The following SRCIN1 variants were observed in gnomAD, a reference collection of about 807,000 sequenced individuals.
The protein encoded by SRCIN1 is P130Cas-associated protein.
SRCIN1 carries 50 observed loss-of-function variants against 116.2 expected under a neutral mutation model. That is an observed-to-expected ratio of 0.43 (90% CI 0.34 to 0.54). SRCIN1 has a LOEUF of 0.54. SRCIN1 is among the 20% of genes least tolerant of loss of function. SRCIN1 has a pLI of 0.02. For synonymous variants in SRCIN1, 736 were observed against 750.0 expected (o/e 0.98, Z 0.30); for missense variants, 1,446 against 1,672.0 (o/e 0.86, Z 2.36).
At chr17:38,600,440 G>A (rs778244872) in intron 1 of SRCIN1, among the ~76,000 whole-genome samples, 11 of 152,222 alleles carry the variant, frequency 7.2e-5, no homozygotes, top group Non-Finnish European at 1.5e-4. Context: ...CATCTTCTGT[G>A]TGGTAGCTAA....
chr17:38,580,660 C>T (rs1263450794), intron 1 of SRCIN1, among the ~76,000 whole-genome samples: 2 of 152,324 alleles, frequency 1.3e-5, no homozygotes, highest in East Asian at 1.9e-4. Flanking sequence ...GACAGCACCA[C>T]ATGGCATGTG....
chr17:38,595,470 C>A (rs575697524), intron 1 of SRCIN1, among the ~76,000 whole-genome samples: 1 of 152,348 alleles, frequency 6.6e-6, no homozygotes, highest in African/African-American at 2.4e-5. Flanking sequence ...CCTGCCTCGG[C>A]CTCCCAAAGT....
intron 11 of SRCIN1, among the ~76,000 whole-genome samples, chr17:38,553,983 G>C (rs1027712599): frequency 2.0e-5 from 3 of 152,170 alleles, no homozygotes; most frequent in African/African-American, 7.2e-5. Flanking sequence ...AGGCCGAGGT[G>C]GGCTGATCAC....
In SRCIN1 at chr17:38,578,599, T is replaced by G; in HGVS notation, c.215A>C (p.Gln72Pro). ...AQSLEALSGL[Q>P]KADADRKRDA... ...ACGCTTGCGGTCGGCGTCCGCCTTC[T>G]GGAGCCCGCTGAGCGCCTCCAGACT... Residue 72 changes from glutamine (Q) to proline (P), a missense_variant, in exon 2 of 19, where the codon CAG becomes CCG. By Grantham distance (76) the Gln-to-Pro change is moderately conservative. Coordinates refer to ENST00000617146, the MANE Select transcript of SRCIN1 (RefSeq NM_025248.3). The G allele has an allele frequency of 2.5e-6, 4 of 1,611,132 alleles. No individual in the cohort carries two copies. Among genetic ancestry groups the G allele is most frequent in the Non-Finnish European group, 3.4e-6 (4 of 1,178,826 alleles).
intron 9 of SRCIN1, 94 bp downstream of exon 9, chr17:38,559,960 A>G: frequency 7.3e-7 from 1 of 1,360,924 alleles, no homozygotes; most frequent in African/African-American, 1.4e-5. Context: ...TCTTGGGCTA[A>G]GGCCAGTGAT....
chr17:38,604,464 C>T lies in SRCIN1; in HGVS notation c.22+1220G>A, dbSNP rs1412656218. On this transcript the variant is annotated intron_variant, in intron 1 of 18. Transcript: ENST00000617146. This position sits in a 1 kb window ranked among gnomAD's most constrained non-coding sequence, Gnocchi z 4.3. Reference sequence around the variant, plus strand: ...GAAGATCCCCCTCCTTGCATACTTCCCCGCGCCTGCTCACCTGGCTCCCCT... The same window carrying T: ...GAAGATCCCCCTCCTTGCATACTTCTCCGCGCCTGCTCACCTGGCTCCCCT... 4.4e-6 allele frequency: 2 copies of T among 453,064 alleles called. No individual in the cohort carries two copies. Among genetic ancestry groups the T allele is most frequent in the Non-Finnish European group, 8.9e-6 (2 of 225,448 alleles). The allele number at this position is 453,064 out of a possible 1,614,324, so 28.1% of individuals were successfully genotyped here.
intron 2 of SRCIN1, chr17:38,574,912 G>A (rs1322581046): frequency 2.7e-5 from 11 of 401,016 alleles, no homozygotes; most frequent in Non-Finnish European, 4.4e-5. Context: ...GGGCGGAGTC[G>A]CCATGGAGGT....
chr17:38,568,193 G>C lies in SRCIN1; in HGVS notation c.345+18C>G. The C allele has an allele frequency of 6.2e-7, 1 of 1,613,202 alleles. No individual in the cohort carries two copies. The highest frequency in any genetic ancestry group is 8.5e-7 in the Non-Finnish European group (1 of 1,179,626). On this transcript the variant is annotated intron_variant, in intron 3 of 18. Coordinates refer to ENST00000617146, the MANE Select transcript of SRCIN1 (RefSeq NM_025248.3). The surrounding 1 kb of genome is among the most constrained non-coding windows in gnomAD (Gnocchi z 4.5). ...AGCACATGCAGTTGTCATGGGAGCA[G>C]AGGCATCACACACTGACCTTGAAAC...
intron 2 of SRCIN1, among the ~76,000 whole-genome samples, chr17:38,575,660 A>G (rs967316821): frequency 3.3e-5 from 5 of 151,880 alleles, no homozygotes; most frequent in African/African-American, 1.2e-4. Context: ...CACCTACCTC[A>G]CAGAAATAGG....
chr17:38,557,244 T>A (rs1181438805), intron 11 of SRCIN1, among the ~76,000 whole-genome samples: 1 of 152,240 alleles, frequency 6.6e-6, no homozygotes, highest in Non-Finnish European at 1.5e-5. Context: ...TATGACTTAG[T>A]GAGGAAGCTG....
intron 18 of SRCIN1, among the ~76,000 whole-genome samples, chr17:38,536,623 G>A (rs993070973): frequency 6.6e-6 from 1 of 152,198 alleles, no homozygotes; most frequent in Non-Finnish European, 1.5e-5. Context: ...AGACCCCGCT[G>A]ACTCCACCTC....
intron 1 of SRCIN1, among the ~76,000 whole-genome samples, chr17:38,584,118 G>A (rs2034128988): frequency 6.6e-6 from 1 of 152,200 alleles, no homozygotes; most frequent in African/African-American, 2.4e-5. Context: ...GGGGTCTTAA[G>A]CATGGCTGGG....
At chr17:38,586,028 G>A (rs1908095639) in intron 1 of SRCIN1, among the ~76,000 whole-genome samples, 1 of 152,198 alleles carries the variant, frequency 6.6e-6, no homozygotes, top group South Asian at 2.1e-4. Context: ...TGGACTAGGA[G>A]GGAAGACAGA....
intron 1 of SRCIN1, among the ~76,000 whole-genome samples, chr17:38,600,337 G>C (rs1365850449): frequency 6.6e-6 from 1 of 152,230 alleles, no homozygotes; most frequent in African/African-American, 2.4e-5. Context: ...GTCCCCAAAA[G>C]GTCAGGCAGG....
intron 18 of SRCIN1, among the ~76,000 whole-genome samples, chr17:38,538,322 C>T (rs1206780863): frequency 1.4e-5 from 2 of 146,958 alleles, no homozygotes; most frequent in Non-Finnish European, 3.0e-5. Context: ...GAGGCTGAGG[C>T]AGGAGAATCA....
chr17:38,556,727 C>T (rs1397406066), intron 11 of SRCIN1, among the ~76,000 whole-genome samples: 1 of 152,192 alleles, frequency 6.6e-6, no homozygotes, highest in Non-Finnish European at 1.5e-5. Context: ...TAATGCAGGT[C>T]CCAAGCTCTC....
intron 8 of SRCIN1, 27 bp from the exon 9 acceptor site, chr17:38,560,124 G>C: frequency 6.5e-7 from 1 of 1,536,538 alleles, no homozygotes; most frequent in African/African-American, 1.4e-5. Flanking sequence ...AAAGCCATCA[G>C]GGGGTCCAGG....
rs368418542 is a variant in SRCIN1 at position 38,548,660 on chromosome 17, C to T, written c.3167G>A (p.Arg1056His). 23 of 1,611,928 alleles carry T rather than the reference C, an allele frequency of 1.4e-5. 1 individual carries two copies. The highest frequency in any genetic ancestry group is 3.3e-5 in the South Asian group (3 of 90,982). ...LEVQKPQVKL[R>H]RAVSEVARPA... ...GCGGGCCACCTCAGACACAGCCCGG[C>T]GCAGCTTCACCTGGGGCTTCTGCAC... The change falls in exon 17 of 19, where the codon CGC becomes CAC. Residue 1056 changes from arginine (R) to histidine (H), a missense_variant. Around this residue, in one of 5 missense-constraint regions of SRCIN1, gnomAD observed 531 missense variants for 633.9 expected, o/e 0.84. Transcript: ENST00000617146.
rs1344314902 is a variant in SRCIN1 at position 38,549,144 on chromosome 17, C to T, written c.3029G>A (p.Arg1010His). ...GCCATGGGAGGAGGGGAAGCTCCGG[C>T]GGGGAGGGGGCGGTGGGGGCGACTT... ...PSKSPPPPPPRRSFPSSHGLT... is the reference protein window; with the variant it reads ...PSKSPPPPPPHRSFPSSHGLT... The change falls in exon 16 of 19, where the codon CGC becomes CAC. Residue 1010 changes from arginine (R) to histidine (H), a missense_variant. Around this residue, in one of 5 missense-constraint regions of SRCIN1, gnomAD observed 531 missense variants for 633.9 expected, o/e 0.84. Transcript: ENST00000617146. The T allele has an allele frequency of 3.3e-6, 2 of 599,872 alleles. No individual in the cohort carries two copies. Among genetic ancestry groups the T allele is most frequent in the Non-Finnish European group, 5.8e-6 (2 of 341,910 alleles). 37.2% of individuals were successfully genotyped at this position (599,872 alleles called of 1,614,324 possible).
Sources: allele counts gnomAD v4.1 joint callset (sites outside exome capture counted in the v4.1 genomes callset), GRCh38; gene constraint gnomAD v4.1.1; regional missense constraint gnomAD v4.1.1; non-coding constraint Gnocchi (gnomAD v3.1); transcripts MANE v1.5; gene names NCBI Gene and HGNC (gene_info 2026-07-23, HGNC 2026-07-21).